SLC25A38: variants seen among roughly 807,000 people sequenced by gnomAD.
The protein encoded by SLC25A38 is mitochondrial glycine transporter.
A neutral mutation model predicts 33.4 loss-of-function variants in SLC25A38; 27 were observed. The observed-to-expected ratio is 0.81, with a 90% CI of 0.60 to 1.11. The LOEUF (loss-of-function observed/expected upper bound fraction) is 1.11, where lower values mean the gene tolerates loss of function less well. SLC25A38 is among the 50% of genes most tolerant of loss of function. The pLI, the probability that SLC25A38 is intolerant of heterozygous loss-of-function variation, is 0.00. For synonymous variants in SLC25A38, 123 were observed against 145.9 expected, an observed-to-expected ratio of 0.84 and a Z score of 1.13; for missense variants, 344 against 388.8, an observed-to-expected ratio of 0.88 and a Z score of 0.97.
chr3:39,397,142 T>TA lies in SLC25A38; in HGVS notation c.*625dup, dbSNP rs1223139235. The TA allele has an allele frequency of 6.7e-6, 1 of 148,484 alleles. No homozygotes were observed. Among genetic ancestry groups the TA allele is most frequent in the Non-Finnish European group, 1.5e-5 (1 of 66,316 alleles). The allele number at this position is 148,484 out of a possible 1,614,324, so 9.2% of individuals were successfully genotyped here. On this transcript the variant is annotated 3_prime_UTR_variant, in exon 7 of 7. Coordinates refer to ENST00000650617, the MANE Select transcript of SLC25A38 (RefSeq NM_017875.4). ...CTTGGCCCCTGTACTGTTTTACCTCTAAATTCTGGCATTTTTTTTTCCCTG... is the reference window on the plus strand; with the variant it reads ...CTTGGCCCCTGTACTGTTTTACCTCTAAAATTCTGGCATTTTTTTTTCCCTG...
In SLC25A38 at chr3:39,389,318, T is replaced by C. The variant is rs763997952; in HGVS notation, c.70-177T>C. The C allele has an allele frequency of 8.4e-5, 78 of 924,660 alleles. 2 individuals are homozygous for C. In the South Asian group the frequency reaches 8.6e-4, roughly 10 times the overall value. 57.3% of individuals were successfully genotyped at this position (924,660 alleles called of 1,614,324 possible). A position where few individuals can be genotyped will look rare whatever the true frequency, so the allele number is the denominator to read the frequency against. ...GCAGCATCCAATGTCCTCAATAACATTGCAGTATTTTTAATTTCTGGCTAT... is the reference window on the plus strand; with the variant it reads ...GCAGCATCCAATGTCCTCAATAACACTGCAGTATTTTTAATTTCTGGCTAT... On this transcript the variant is annotated intron_variant, in intron 1 of 6. Coordinates refer to ENST00000650617, the MANE Select transcript of SLC25A38 (RefSeq NM_017875.4). The surrounding 1 kb of genome is among the most constrained non-coding windows in gnomAD (Gnocchi z 4.5).
intron 1 of SLC25A38, among the ~76,000 whole-genome samples, chr3:39,388,194 C>T (rs1368262565): frequency 1.3e-5 from 2 of 152,142 alleles, no homozygotes; most frequent in East Asian, 3.8e-4. Context: ...AGCAGGACAC[C>T]TCTTGGGGAG....
At chr3:39,384,293 GT>G (rs2041683083) in intron 1 of SLC25A38, 1 of 201,742 alleles carries the variant, frequency 5.0e-6, no homozygotes, top group Non-Finnish European at 9.9e-6. Flanking sequence ...ACGGCGCGTG[GT>G]CCCCCAGCGA....
In SLC25A38 at chr3:39,391,992, A is replaced by G. The variant is rs1019745290; in HGVS notation, c.596A>G (p.Tyr199Cys). Residue 199 changes from tyrosine to cysteine, a missense_variant, in exon 5 of 7, where the codon TAC (tyrosine) becomes TGC (cysteine). Physicochemically the swap from Tyr to Cys is radical, Grantham distance 194. This residue lies in a region of SLC25A38 where 269 missense variants were observed against 271.8 expected (regional missense o/e 0.99). Coordinates refer to ENST00000650617, the MANE Select transcript of SLC25A38 (RefSeq NM_017875.4). ...APFSGIYLMFYNQTKNIVPHD... is the reference protein window; with the variant it reads ...APFSGIYLMFCNQTKNIVPHD... ...TTCTCAGGAATCTACCTGATGTTTT[A>G]CAACCAGACCAAAAATATAGTGCCT... 1 of 1,614,208 alleles carries G rather than the reference A, an allele frequency of 6.2e-7. No homozygotes were observed. The highest frequency in any genetic ancestry group is 8.5e-7 in the Non-Finnish European group (1 of 1,180,042).
At chr3:39,385,560 G>A (rs756274695) in intron 1 of SLC25A38, among the ~76,000 whole-genome samples, 7 of 152,156 alleles carry the variant, frequency 4.6e-5, no homozygotes, top group Non-Finnish European at 7.4e-5. Context: ...AGAGAGGTGG[G>A]GGAGATTAAC....
chr3:39,384,803 CTTT>C (rs67136154), intron 1 of SLC25A38: 987 of 348,396 alleles, frequency 2.8e-3, no homozygotes, highest in Non-Finnish European at 3.1e-3. Flanking sequence ...TTTCTTTTTT[CTTT>C]TTTTTTTTTT....
chr3:39,392,722 G>A (rs1375130538), intron 5 of SLC25A38, among the ~76,000 whole-genome samples: 1 of 152,110 alleles, frequency 6.6e-6, no homozygotes, highest in Non-Finnish European at 1.5e-5. Flanking sequence ...GATAATTTGA[G>A]CAAGGAATTG....
intron 3 of SLC25A38, among the ~76,000 whole-genome samples, 199 bp from the exon 4 acceptor site, chr3:39,391,242 G>A (rs542218132): frequency 6.6e-6 from 1 of 152,316 alleles, no homozygotes; most frequent in East Asian, 1.9e-4. Context: ...GCCCACAGCA[G>A]AAACTGGTTT....
At position 39,394,473 on chromosome 3, in the gene SLC25A38, TG is replaced by T. The variant is rs1212758994; in HGVS notation, c.691del (p.Ala231ProfsTer4). On this transcript the variant is annotated frameshift_variant, in exon 6 of 7. Transcript: ENST00000650617. LOFTEE classifies it high-confidence loss of function. ...NFSCGIFAGI[L>X]ASLVTQPADV... ...AGCTGTGGGATATTTGCTGGTATTC[TG>T]GCCTCACTGGTAACTCAACCTGCGG... 1 of 1,613,978 alleles carries T rather than the reference TG, an allele frequency of 6.2e-7. No individual in the cohort carries two copies. Among genetic ancestry groups the T allele is most frequent in the Non-Finnish European group, 8.5e-7 (1 of 1,180,038 alleles).
chr3:39,391,083 C>T (rs2125579269), intron 3 of SLC25A38, among the ~76,000 whole-genome samples: 1 of 152,330 alleles, frequency 6.6e-6, no homozygotes, highest in South Asian at 2.1e-4. Flanking sequence ...TAACCCACAG[C>T]ACTGTGCATT....
rs200077726 is a variant in SLC25A38, at chr3:39,392,010, T to C, written c.614T>C (p.Ile205Thr). The change falls in exon 5 of 7, where the codon ATA (isoleucine) becomes ACA (threonine). Residue 205 changes from isoleucine to threonine, a missense_variant. This residue lies in a region of SLC25A38 where 269 missense variants were observed against 271.8 expected (regional missense o/e 0.99). Transcript: ENST00000650617. ...YLMFYNQTKN[I>T]VPHDQVDATL... ...ATGTTTTACAACCAGACCAAAAATATAGTGCCTCATGGTAGGGATAAAGGA... is the reference window on the plus strand; with the variant it reads ...ATGTTTTACAACCAGACCAAAAATACAGTGCCTCATGGTAGGGATAAAGGA... The C allele has an allele frequency of 3.1e-6, 5 of 1,614,122 alleles. No individual in the cohort carries two copies. The highest frequency in any genetic ancestry group is 2.2e-5 in the East Asian group (1 of 44,880).
At chr3:39,390,537 A>G (rs1391428030) in intron 3 of SLC25A38, 30 bp downstream of exon 3, 8 of 1,601,496 alleles carry the variant, frequency 5.0e-6, no homozygotes, top group African/African-American at 1.3e-5. Context: ...TAGGTTCCCT[A>G]GCATCCACTC....
At chr3:39,384,904 T>C (rs1340201232) in intron 1 of SLC25A38, among the ~76,000 whole-genome samples, 1 of 151,628 alleles carries the variant, frequency 6.6e-6, no homozygotes, top group African/African-American at 2.4e-5. Flanking sequence ...CGGGTTCAAG[T>C]ATTTTTCCTG....
intron 6 of SLC25A38, among the ~76,000 whole-genome samples, chr3:39,394,800 A>T (rs1484546882): frequency 6.6e-6 from 1 of 152,096 alleles, no homozygotes; most frequent in Non-Finnish European, 1.5e-5. Context: ...CACAAAATTG[A>T]TATTTCTTTG....
chr3:39,391,369 G>A, intron 3 of SLC25A38, 72 bp from the exon 4 acceptor site: 2 of 1,606,378 alleles, frequency 1.2e-6, no homozygotes, highest in Non-Finnish European at 1.7e-6. Context: ...GGGTCTTTTG[G>A]GAAAACCCAG....
At chr3:39,396,212 A>G (rs78239141) in intron 6 of SLC25A38, among the ~76,000 whole-genome samples, 186 bp from the exon 7 acceptor site, 1 of 78,346 alleles carries the variant, frequency 1.3e-5, no homozygotes, top group Non-Finnish European at 3.2e-5. Flanking sequence ...TCTGCCTCGG[A>G]AAAAAAAAAA....
chr3:39,390,063 C>T (rs916191060), intron 2 of SLC25A38, among the ~76,000 whole-genome samples: 2 of 152,196 alleles, frequency 1.3e-5, no homozygotes, highest in Non-Finnish European at 2.9e-5. Flanking sequence ...GCCTCAGCCT[C>T]CCAGGTAGCT....
In SLC25A38 at chr3:39,394,587, A is replaced by G; in HGVS notation, c.792+11A>G. 6.2e-7 allele frequency: 1 copy of G among 1,614,116 alleles called. No individual in the cohort carries two copies. Among genetic ancestry groups the G allele is most frequent in the Non-Finnish European group, 8.5e-7 (1 of 1,179,984 alleles). On this transcript the variant is annotated intron_variant, in intron 6 of 6. Transcript: ENST00000650617. ...ACACTTATTTTCAAAGTAAGACTACAAAATAAGTACTGGTTCTTGTGGTGT... is the reference window on the plus strand; with the variant it reads ...ACACTTATTTTCAAAGTAAGACTACGAAATAAGTACTGGTTCTTGTGGTGT...
At chr3:39,391,697 A>C in intron 4 of SLC25A38, 77 bp downstream of exon 4, 6 of 1,607,870 alleles carry the variant, frequency 3.7e-6, no homozygotes, top group Non-Finnish European at 5.1e-6. Flanking sequence ...ACCGATGTCA[A>C]CTCCTGATTT....
Sources: gnomAD v4.1 joint callset for allele counts (sites outside exome capture counted in the v4.1 genomes callset) on GRCh38, gnomAD v4.1.1 for gene constraint, gnomAD v4.1.1 regional missense constraint, Gnocchi (gnomAD v3.1) non-coding constraint, MANE v1.5 for transcripts, NCBI Gene and HGNC (gene_info 2026-07-23, HGNC 2026-07-21) for gene names.